Variants in DENND4C observed in about 807,000 individuals in gnomAD.
DENND4C encodes the protein DENN domain-containing protein 4C.
In DENND4C, 108 loss-of-function variants were observed where a neutral mutation model predicts 203.0. The ratio of observed to expected loss-of-function variants is 0.53; its 90% CI spans 0.46 to 0.62. The LOEUF is 0.62. Ranked by LOEUF, DENND4C falls within the 20% of genes least tolerant of loss-of-function variation. DENND4C has a pLI of 0.00. For synonymous variants in DENND4C, 871 were observed against 792.4 expected (o/e 1.10, Z -1.67); for missense variants, 2,481 against 2,301.2 (o/e 1.08, Z -1.60).
At chr9:19,300,428 C>G in intron 9 of DENND4C, 97 bp downstream of exon 9, 1 of 1,195,736 alleles carries the variant, frequency 8.4e-7, no homozygotes, top group Non-Finnish European at 1.1e-6. Context: ...TAAACAACAA[C>G]AAATTTAAAA....
intron 6 of DENND4C, 134 bp from the exon 7 acceptor site, chr9:19,297,922 C>A: frequency 1.6e-6 from 1 of 623,408 alleles, no homozygotes; most frequent in Non-Finnish European, 2.6e-6. Flanking sequence ...AGCAAATTTA[C>A]TTACTTAGCC....
At position 19,288,632 on chromosome 9, in the gene DENND4C, G is replaced by T; in HGVS notation, c.595G>T (p.Val199Leu). The T allele has an allele frequency of 1.6e-6, 2 of 1,231,724 alleles. No homozygotes were observed. Among genetic ancestry groups the T allele is most frequent in the Non-Finnish European group, 2.0e-6 (2 of 987,788 alleles). The allele number at this position is 1,231,724 out of a possible 1,614,324, so 76.3% of individuals were successfully genotyped here. ...SSVFLCYKKSVPASNAIAYKA... is the reference protein window; with the variant it reads ...SSVFLCYKKSLPASNAIAYKA... ...CGTGTTTCTGTGTTATAAGAAGTCT[G>T]TACCTGCTTCAAATGCAATAGCATA... The change falls in exon 4 of 33, where the codon GTA (valine) becomes TTA (leucine). Residue 199 changes from valine to leucine, a missense_variant. Physicochemically the swap from Val to Leu is conservative, Grantham distance 32. Around this residue, in one of 3 missense-constraint regions of DENND4C, gnomAD observed 2,289 missense variants for 2,113.3 expected, o/e 1.08. Transcript: ENST00000434457.
At chr9:19,296,358 A>C in intron 6 of DENND4C, 112 bp downstream of exon 6, 2 of 737,386 alleles carry the variant, frequency 2.7e-6, no homozygotes, top group Non-Finnish European at 4.4e-6. Flanking sequence ...CCTGCATTTA[A>C]CTGAACTTTT....
intron 29 of DENND4C, among the ~76,000 whole-genome samples, chr9:19,360,929 A>G (rs572659377): frequency 4.8e-4 from 73 of 152,290 alleles, no homozygotes; most frequent in African/African-American, 1.6e-3. Context: ...GCTGGAGTGC[A>G]ATGGCGTGAT....
At chr9:19,336,468 C>A (rs1820499882) in intron 19 of DENND4C, 54 bp downstream of exon 19, 2 of 1,549,070 alleles carry the variant, frequency 1.3e-6, no homozygotes, top group Non-Finnish European at 8.7e-7. Flanking sequence ...GCTTTATAGG[C>A]ATATGAATTT....
intron 1 of DENND4C, among the ~76,000 whole-genome samples, chr9:19,270,092 CT>C (rs781162169): frequency 5.9e-5 from 9 of 152,144 alleles, no homozygotes; most frequent in Non-Finnish European, 1.0e-4. Flanking sequence ...CTCTTGTTCT[CT>C]TTCCTTATTT....
chr9:19,370,300 A>C (rs7038755), intron 31 of DENND4C, among the ~76,000 whole-genome samples: 8,859 of 152,132 alleles, frequency 0.058, 830 homozygotes, highest in African/African-American at 0.2. Context: ...CATCTCTACA[A>C]AAAATAATTT....
At position 19,374,062 on chromosome 9, in the gene DENND4C, T is replaced by C. The variant is rs140055182; in HGVS notation, c.*1889T>C. On this transcript the variant is annotated 3_prime_UTR_variant, in exon 33 of 33. Coordinates refer to ENST00000434457, the MANE Select transcript of DENND4C (RefSeq NM_001330640.2). ...ACTAGTTTTAATACTTAACACTTAC[T>C]GACCCAACAGAAGTTTGGAATTACC... Among the ~76,000 whole-genome samples, 965 of 152,276 alleles carry C rather than the reference T, an allele frequency of 6.3e-3. 7 individuals are homozygous for C. The highest frequency in any genetic ancestry group is 9.7e-3 in the Non-Finnish European group (660 of 68,022).
At chr9:19,235,311 G>T (rs1296969037) in intron 1 of DENND4C, among the ~76,000 whole-genome samples, 3 of 152,118 alleles carry the variant, frequency 2.0e-5, no homozygotes, top group African/African-American at 7.2e-5. Context: ...GGATCATTAG[G>T]GCTGCTACAA....
chr9:19,332,765 A>AT (rs35052178), intron 17 of DENND4C, among the ~76,000 whole-genome samples: 42,654 of 110,372 alleles, frequency 0.39, 8,174 homozygotes, highest in African/African-American at 0.53. Context: ...TCTGTTTTTG[A>AT]TTTTTTTTTT....
intron 26 of DENND4C, among the ~76,000 whole-genome samples, chr9:19,354,040 C>T (rs895270168): frequency 1.3e-5 from 2 of 152,166 alleles, no homozygotes; most frequent in African/African-American, 4.8e-5. Context: ...TTTCCTCATT[C>T]CCACCCTCAT....
At chr9:19,254,279 T>C (rs1827377253) in intron 1 of DENND4C, among the ~76,000 whole-genome samples, 1 of 152,220 alleles carries the variant, frequency 6.6e-6, no homozygotes, top group Admixed American at 6.5e-5. Flanking sequence ...AAGAGATATC[T>C]GTACCCCCAT....
intron 10 of DENND4C, among the ~76,000 whole-genome samples, chr9:19,309,110 A>G (rs1020659186): frequency 3.9e-5 from 6 of 152,086 alleles, no homozygotes; most frequent in Non-Finnish European, 7.4e-5. Context: ...TTTCTTTTTG[A>G]GGTGATAAAA....
At chr9:19,364,455 T>C (rs544013355) in intron 30 of DENND4C, among the ~76,000 whole-genome samples, 3 of 152,346 alleles carry the variant, frequency 2.0e-5, no homozygotes, top group Admixed American at 2.0e-4. Flanking sequence ...GCTAACTGTT[T>C]ACACAAGGAT....
chr9:19,330,333 G>GTTTTTTT (rs398010417), intron 16 of DENND4C, among the ~76,000 whole-genome samples: 9 of 97,120 alleles, frequency 9.3e-5, no homozygotes, highest in Non-Finnish European at 1.3e-4. Flanking sequence ...TACCAAGTTG[G>GTTTTTTT]TTTTTTTTTT....
intron 1 of DENND4C, among the ~76,000 whole-genome samples, chr9:19,268,324 G>C (rs1037372990): frequency 6.6e-6 from 1 of 151,934 alleles, no homozygotes; most frequent in Admixed American, 6.6e-5. Flanking sequence ...GGTATTGAAC[G>C]CCTGAGCTCA....
Position 19,352,163 on chromosome 9 carries a change from A to G in DENND4C, c.4586A>G (p.Tyr1529Cys). ...CAAAATACCAGCATGTCTAGCATCT[A>G]TCAGAATTGTGCAATGGAGGTAAAA... is the stretch of plus-strand genomic sequence containing the variant. ...SSQNTSMSSI[Y>C]QNCAMEVLMS... Residue 1529 changes from tyrosine (Y) to cysteine (C), a missense_variant, in exon 25 of 33, where the codon TAT becomes TGT. Physicochemically the swap from Tyr to Cys is radical, Grantham distance 194. Around this residue, in one of 3 missense-constraint regions of DENND4C, gnomAD observed 2,289 missense variants for 2,113.3 expected, o/e 1.08. Transcript: ENST00000434457. 1.9e-6 allele frequency: 3 copies of G among 1,613,906 alleles called. No homozygotes were observed. Among genetic ancestry groups the G allele is most frequent in the South Asian group, 1.1e-5 (1 of 91,076 alleles).
chr9:19,285,503 A>T (rs1835013674), intron 2 of DENND4C, among the ~76,000 whole-genome samples: 1 of 150,198 alleles, frequency 6.7e-6, no homozygotes, highest in South Asian at 2.1e-4. Flanking sequence ...CTATTAATCT[A>T]CTTTCTGTCT....
rs912139253 is a variant in DENND4C at position 19,230,817 on chromosome 9, A to C, written c.-34A>C. On this transcript the variant is annotated 5_prime_UTR_variant, in exon 1 of 33. Coordinates refer to ENST00000434457, the MANE Select transcript of DENND4C (RefSeq NM_001330640.2). ...GAAGCCGTGTCGGGGCTGCGCTGAC[A>C]GAGGAGCAGGCAGCAGGTGAGGCTG... is the stretch of plus-strand genomic sequence containing the variant. The C allele has an allele frequency of 6.6e-6, 1 of 152,498 alleles. No homozygotes were observed. The highest frequency in any genetic ancestry group is 1.5e-5 in the Non-Finnish European group (1 of 68,258). 9.4% of individuals were successfully genotyped at this position (152,498 alleles called of 1,614,324 possible).
Sources: gnomAD v4.1 joint callset for allele counts (sites outside exome capture counted in the v4.1 genomes callset) on GRCh38, gnomAD v4.1.1 for gene constraint, gnomAD v4.1.1 regional missense constraint, MANE v1.5 for transcripts, NCBI Gene and HGNC (gene_info 2026-07-23, HGNC 2026-07-21) for gene names.